TPP2: variants seen among roughly 807,000 people sequenced by gnomAD.
The protein encoded by TPP2 is tripeptidyl-peptidase 2.
A neutral mutation model predicts 155.9 loss-of-function variants in TPP2; 34 were observed. The observed-to-expected ratio is 0.22, with a 90% CI of 0.17 to 0.29. The LOEUF (loss-of-function observed/expected upper bound fraction) is 0.29. Ranked by LOEUF, TPP2 falls within the 10% of genes least tolerant of loss-of-function variation. The probability of loss-of-function intolerance (pLI) is 1.00; values close to 1 mark genes in which losing one functional copy is unlikely to be tolerated. For synonymous variants in TPP2, 510 were observed against 529.4 expected, an observed-to-expected ratio of 0.96 and a Z score of 0.50; for missense variants, 1,028 against 1,522.3, an observed-to-expected ratio of 0.68 and a Z score of 5.40.
Position 102,651,344 on chromosome 13 carries a change from C to A in TPP2, c.2953-15C>A. 1 of 1,573,808 alleles carries A rather than the reference C, an allele frequency of 6.4e-7. No homozygotes were observed. ...TTATGCATGTTTTCTTACAGAATGT[C>A]GTTCTAACTCCCAGGGGCAGTCTGC... is the stretch of plus-strand genomic sequence containing the variant. On this transcript the variant is annotated splice_polypyrimidine_tract_variant and intron_variant, in intron 23 of 29. Coordinates refer to ENST00000376052, the MANE Select transcript of TPP2 (RefSeq NM_001330588.2).
At chr13:102,630,221 A>G in intron 10 of TPP2, 26 bp downstream of exon 10, 1 of 1,551,686 alleles carries the variant, frequency 6.4e-7, no homozygotes, top group Non-Finnish European at 8.9e-7. Context: ...ACGCGGAACC[A>G]TTACGTATAT....
At chr13:102,620,147 T>C (rs1365720269) in intron 5 of TPP2, among the ~76,000 whole-genome samples, 1 of 152,230 alleles carries the variant, frequency 6.6e-6, no homozygotes, top group Non-Finnish European at 1.5e-5. Flanking sequence ...GGAAAAGGAA[T>C]CCGGAGTCAG....
At chr13:102,634,158 C>G (rs1416727194) in intron 11 of TPP2, 60 bp downstream of exon 11, 14 of 1,601,686 alleles carry the variant, frequency 8.7e-6, no homozygotes, top group African/African-American at 4.0e-5. Flanking sequence ...TTTTCTGAAG[C>G]TCTCATGGTA....
At chr13:102,622,763 T>C in intron 5 of TPP2, 114 bp from the exon 6 acceptor site, 1 of 1,164,602 alleles carries the variant, frequency 8.6e-7, no homozygotes, top group Non-Finnish European at 1.2e-6. Flanking sequence ...ATTATATTTA[T>C]ATTTGTTGTG....
intron 2 of TPP2, among the ~76,000 whole-genome samples, chr13:102,608,577 A>AT (rs1342474445): frequency 9.9e-5 from 15 of 151,940 alleles, no homozygotes; most frequent in African/African-American, 3.6e-4. Context: ...CCTTGTGTGA[A>AT]TTTTTTAAAA....
Position 102,644,664 on chromosome 13 carries a change from G to A in TPP2, c.2283G>A (p.Gln761=). 1.3e-6 allele frequency: 2 copies of A among 1,597,508 alleles called. No homozygotes were observed. Among genetic ancestry groups the A allele is most frequent in the Non-Finnish European group, 1.7e-6 (2 of 1,174,452 alleles). The change falls in exon 18 of 30, where the codon CAG becomes CAA. Residue 761 remains glutamine, a synonymous_variant. Coordinates refer to ENST00000376052, the MANE Select transcript of TPP2 (RefSeq NM_001330588.2). ...SFHGIVCTAP[Q]LNIHASEGIN... is the part of the protein sequence containing the mutation. ...ATGGGATAGTGTGTACTGCTCCTCA[G>A]TTAAACATTGTAAGTTCCACAACAT...
chr13:102,649,080 G>T lies in TPP2; in HGVS notation c.2802G>T (p.Lys934Asn). 1 of 1,613,386 alleles carries T rather than the reference G, an allele frequency of 6.2e-7. No individual in the cohort carries two copies. The highest frequency in any genetic ancestry group is 8.5e-7 in the Non-Finnish European group (1 of 1,179,800). ...ENHSFALLGK[K>N]KSSNLTLPPK... Reference sequence around the variant, plus strand: ...ATAGTTTTGCACTTCTAGGGAAGAAGAAATCAAGCAATTTGACATTACCAC... The same window carrying T: ...ATAGTTTTGCACTTCTAGGGAAGAATAAATCAAGCAATTTGACATTACCAC... Residue 934 changes from lysine to asparagine, a missense_variant, in exon 22 of 30, where the codon AAG becomes AAT. By Grantham distance (94) the Lys-to-Asn change is moderately conservative (BLOSUM62 0). Coordinates refer to ENST00000376052, the MANE Select transcript of TPP2 (RefSeq NM_001330588.2).
rs373027295 is a variant in TPP2 at position 102,634,150 on chromosome 13, T to C, written c.1393+52T>C. 63 of 1,605,606 alleles carry C rather than the reference T, an allele frequency of 3.9e-5. No homozygotes were observed. The East Asian group carries it at 1.2e-3, about 30-fold the overall frequency. The stretch of plus-strand genomic sequence containing the variant: ...ATTATTGCAGACCAATATTTTTGTT[T>C]TCTGAAGCTCTCATGGTAAGAACAT... On this transcript the variant is annotated intron_variant, in intron 11 of 29. Transcript: ENST00000376052.
At chr13:102,601,551 A>G (rs1566312848) in intron 1 of TPP2, among the ~76,000 whole-genome samples, 1 of 152,238 alleles carries the variant, frequency 6.6e-6, no homozygotes, top group Non-Finnish European at 1.5e-5. Context: ...AACATAGCCC[A>G]GTAAGCATTT....
intron 4 of TPP2, among the ~76,000 whole-genome samples, 174 bp from the exon 5 acceptor site, chr13:102,618,548 G>C (rs531643345): frequency 7.0e-4 from 107 of 152,260 alleles, no homozygotes; most frequent in African/African-American, 2.5e-3. Context: ...GTATTAATGG[G>C]TATCTGCTTC....
chr13:102,627,218 A>AT, intron 7 of TPP2, 52 bp downstream of exon 7: 1 of 1,496,270 alleles, frequency 6.7e-7, no homozygotes, highest in Non-Finnish European at 8.9e-7. Context: ...ATGATCTTGG[A>AT]TATTTTTAGG....
Position 102,630,079 on chromosome 13 carries a change from T to G in TPP2, c.1145-17T>G. 1 of 1,607,710 alleles carries G rather than the reference T, an allele frequency of 6.2e-7. No homozygotes were observed. Among genetic ancestry groups the G allele is most frequent in the Non-Finnish European group, 8.5e-7 (1 of 1,176,462 alleles). Reference sequence around the variant, plus strand: ...CCCGTTTGTTTTCTTTTCTTAATGATTAAATCCATCCCACAGGTGTTGGTG... The same window carrying G: ...CCCGTTTGTTTTCTTTTCTTAATGAGTAAATCCATCCCACAGGTGTTGGTG... On this transcript the variant is annotated splice_polypyrimidine_tract_variant and intron_variant, in intron 9 of 29. Coordinates refer to ENST00000376052, the MANE Select transcript of TPP2 (RefSeq NM_001330588.2).
At chr13:102,652,426 AT>A (rs1883571531) in intron 24 of TPP2, among the ~76,000 whole-genome samples, 1 of 16,264 alleles carries the variant, frequency 6.1e-5, no homozygotes, top group Non-Finnish European at 1.1e-4. Flanking sequence ...ATATATATAT[AT>A]ATATATATAT....
rs1310052125 is a variant in TPP2, at chr13:102,674,277, G to C, written c.3372-6G>C. The C allele has an allele frequency of 3.1e-6, 5 of 1,612,538 alleles. No homozygotes were observed. Among genetic ancestry groups the C allele is most frequent in the Non-Finnish European group, 4.2e-6 (5 of 1,179,284 alleles). On this transcript the variant is annotated splice_region_variant and splice_polypyrimidine_tract_variant and intron_variant, in intron 27 of 29. Coordinates refer to ENST00000376052, the MANE Select transcript of TPP2 (RefSeq NM_001330588.2). ...TATCTGAAATATTTTTTAATTTGCT[G>C]TACAGTGACATGGACAAACAAAAAT...
intron 12 of TPP2, 54 bp downstream of exon 12, chr13:102,635,756 T>C: frequency 8.0e-7 from 1 of 1,257,266 alleles, no homozygotes; most frequent in South Asian, 1.2e-5. Flanking sequence ...GATAATATCT[T>C]AGATATTATT....
Position 102,644,648 on chromosome 13 carries a change from T to A in TPP2, c.2267T>A (p.Val756Glu), listed in dbSNP as rs752839525. 3.1e-5 allele frequency: 50 copies of A among 1,610,632 alleles called. No homozygotes were observed. The highest frequency in any genetic ancestry group is 4.0e-5 in the Non-Finnish European group (47 of 1,178,972). Residue 756 changes from valine (V) to glutamate (E), a missense_variant, in exon 18 of 30, where the codon GTG becomes GAG. Physicochemically the swap from Val to Glu is moderately radical, Grantham distance 121 (BLOSUM62 -2). Transcript: ENST00000376052. ...IDYTISFHGI[V>E]CTAPQLNIHA... ...TATACCATTTCTTTCCATGGGATAG[T>A]GTGTACTGCTCCTCAGTTAAACATT...
intron 3 of TPP2, among the ~76,000 whole-genome samples, chr13:102,615,380 G>A (rs1880641843): frequency 5.9e-5 from 9 of 151,960 alleles, no homozygotes; most frequent in Admixed American, 5.9e-4. Flanking sequence ...GAACTCCTGG[G>A]CTCAAGTGAT....
rs368774384 is a variant in TPP2 at position 102,640,697 on chromosome 13, C to CTGGA, written c.2020+322_2020+325dup. The stretch of plus-strand genomic sequence containing the variant: ...GACAGAGTCTCACTCTGTCGCCAGG[C>CTGGA]TGGAGTGCAGTGGCATGATCTCGGC... On this transcript the variant is annotated intron_variant, in intron 16 of 29. Coordinates refer to ENST00000376052, the MANE Select transcript of TPP2 (RefSeq NM_001330588.2). Among the ~76,000 whole-genome samples the CTGGA allele has an allele frequency of 5.4e-3, 642 of 119,256 alleles. 4 individuals are homozygous for CTGGA. Among genetic ancestry groups the CTGGA allele is most frequent in the African/African-American group, 0.021 (611 of 29,702 alleles). The allele number at this position is 119,256 out of a possible 152,430, so 78.2% of individuals were successfully genotyped here.
rs113105775 is a variant in TPP2, at chr13:102,669,361, A to G, written c.3371+4436A>G. 8.7e-3 allele frequency among the ~76,000 whole-genome samples: 1,322 copies of G among 152,224 alleles called. 5 individuals are homozygous for G. The highest frequency in any genetic ancestry group is 0.014 in the Non-Finnish European group (923 of 68,018). On this transcript the variant is annotated intron_variant, in intron 27 of 29. Coordinates refer to ENST00000376052, the MANE Select transcript of TPP2 (RefSeq NM_001330588.2). ...TGGATTGTTGGATGTTCCACATATG[A>G]CAAAATTGCTGAAATTTTGAGCTGG...
Sources: gnomAD v4.1 joint callset for allele counts (sites outside exome capture counted in the v4.1 genomes callset) on GRCh38, gnomAD v4.1.1 for gene constraint, MANE v1.5 for transcripts, NCBI Gene and HGNC (gene_info 2026-07-23, HGNC 2026-07-21) for gene names.